NOL8: variants seen among roughly 807,000 people sequenced by gnomAD.
The protein encoded by NOL8 is nucleolar protein 8.
In NOL8, 93 loss-of-function variants were observed where a neutral mutation model predicts 116.1. The observed-to-expected ratio is 0.80, with a 90% CI of 0.68 to 0.95. The LOEUF (loss-of-function observed/expected upper bound fraction) is 0.95, where lower values mean the gene tolerates loss of function less well. Among genes scored for constraint, NOL8 ranks in the 40% least tolerant of loss-of-function variants. The pLI, the probability that NOL8 is intolerant of heterozygous loss-of-function variation, is 0.00. For missense variants in NOL8, 1,291 were observed against 1,382.8 expected (o/e 0.93, Z 1.05); for synonymous variants, 419 against 469.0 (o/e 0.89, Z 1.38).
chr9:92,317,568 T>A (rs1344213890), intron 6 of NOL8, among the ~76,000 whole-genome samples: 1 of 152,206 alleles, frequency 6.6e-6, no homozygotes, highest in African/African-American at 2.4e-5. Flanking sequence ...TTTTTGCTTC[T>A]CTAGTCCCAG....
intron 16 of NOL8, 61 bp from the exon 17 acceptor site, chr9:92,297,947 T>C (rs2134072710): frequency 4.3e-6 from 6 of 1,389,658 alleles, no homozygotes; most frequent in Non-Finnish European, 5.9e-6. Flanking sequence ...GTTCAGTAGA[T>C]AGAAGTAAAA....
Position 92,323,442 on chromosome 9 carries a change from T to G in NOL8, c.201A>C (p.Lys67Asn). The change falls in exon 3 of 17, where the codon AAA (lysine) becomes AAC (asparagine). Residue 67 changes from lysine to asparagine, a missense_variant and splice_region_variant. Lys to Asn is a moderately conservative substitution (Grantham distance 94). Transcript: ENST00000442668. ...ATAGAAAATATATGATGATCTTACA[T>G]TTTTTCAGGTCCGCTTCTGCTACAC... is the stretch of plus-strand genomic sequence containing the variant. ...NISVAEADLKKCMSVLNKTKW... is the reference protein window; with the variant it reads ...NISVAEADLKNCMSVLNKTKW... 2 of 1,602,196 alleles carry G rather than the reference T, an allele frequency of 1.2e-6. No individual in the cohort carries two copies. The highest frequency in any genetic ancestry group is 1.7e-6 in the Non-Finnish European group (2 of 1,173,808).
rs1839148635 is a variant in NOL8, at chr9:92,314,337, G to C, written c.2288C>G (p.Ala763Gly). The C allele has an allele frequency of 1.9e-6, 3 of 1,610,178 alleles. No homozygotes were observed. Among genetic ancestry groups the C allele is most frequent in the Non-Finnish European group, 2.5e-6 (3 of 1,176,910 alleles). ...TGCTTTTTGCCTCGCTTCCAAGGCT[G>C]CCAAACGCTTCTCATTGTCTTCAGC... is the stretch of plus-strand genomic sequence containing the variant. Reference protein sequence around the residue: ...KHAEDNEKRLAALEARQKAKE... With the variant: ...KHAEDNEKRLGALEARQKAKE... Residue 763 changes from alanine to glycine, a missense_variant, in exon 7 of 17, where the codon GCA (alanine) becomes GGA (glycine). Ala to Gly is a moderately conservative substitution (Grantham distance 60). Transcript: ENST00000442668.
At chr9:92,312,417 G>A (rs1404352184) in intron 7 of NOL8, among the ~76,000 whole-genome samples, 3 of 131,048 alleles carry the variant, frequency 2.3e-5, no homozygotes, top group African/African-American at 9.0e-5. Context: ...TCATACCACT[G>A]CACCCCAGGG....
At chr9:92,318,824 AG>A in intron 5 of NOL8, 138 bp from the exon 6 acceptor site, 1 of 590,774 alleles carries the variant, frequency 1.7e-6, no homozygotes, top group Non-Finnish European at 2.8e-6. Flanking sequence ...ATGAAATAAG[AG>A]TTACCAAAGA....
At chr9:92,323,989 G>C (rs1266261318) in intron 2 of NOL8, 34 bp downstream of exon 2, 2 of 1,609,042 alleles carry the variant, frequency 1.2e-6, no homozygotes, top group Middle Eastern at 1.7e-4. Flanking sequence ...AGTTATGTCT[G>C]CCTATAACTG....
At chr9:92,307,410 G>C (rs919205630) in intron 10 of NOL8, among the ~76,000 whole-genome samples, 3 of 152,084 alleles carry the variant, frequency 2.0e-5, no homozygotes, top group Non-Finnish European at 4.4e-5. Context: ...ATCTAAAAAT[G>C]ATAAAGAGTG....
chr9:92,315,483 G>T lies in NOL8; in HGVS notation c.1142C>A (p.Thr381Lys), dbSNP rs767449116. ...RNDREYDSGD[T>K]DEIIAMKKNV... is the part of the protein sequence containing the mutation. ...TTTTTTCATCGCAATAATTTCATCT[G>T]TATCTCCTGAGTCATACTCACGATC... is the stretch of plus-strand genomic sequence containing the variant. The change falls in exon 7 of 17, where the codon ACA becomes AAA. Residue 381 changes from threonine to lysine, a missense_variant. Coordinates refer to ENST00000442668, the MANE Select transcript of NOL8 (RefSeq NM_017948.6). 4 of 1,606,158 alleles carry T rather than the reference G, an allele frequency of 2.5e-6. No individual in the cohort carries two copies. In the South Asian group the frequency reaches 3.3e-5, roughly 13 times the overall value.
chr9:92,318,495 A>C, intron 6 of NOL8, 123 bp downstream of exon 6: 1 of 716,482 alleles, frequency 1.4e-6, no homozygotes, highest in South Asian at 1.7e-5. Flanking sequence ...GTGAGTACCA[A>C]GAAACTGGGA....
chr9:92,316,186 C>T, intron 6 of NOL8, 48 bp from the exon 7 acceptor site: 1 of 1,544,842 alleles, frequency 6.5e-7, no homozygotes. Context: ...TTTAGGAAAA[C>T]TCATCAATCT....
Position 92,300,860 on chromosome 9 carries a change from T to C in NOL8, c.3175+691A>G, listed in dbSNP as rs1272335022. On this transcript the variant is annotated intron_variant, in intron 13 of 16. Coordinates refer to ENST00000442668, the MANE Select transcript of NOL8 (RefSeq NM_017948.6). ...TTTAATCTACCAAACACATGTATGC[T>C]ATTTTAACTGCTGATCTTTAAAGTA... The C allele has an allele frequency of 1.2e-5, 12 of 1,042,926 alleles. No individual in the cohort carries two copies. In the South Asian group the frequency reaches 3.2e-4, roughly 28 times the overall value. 64.6% of individuals were successfully genotyped at this position (1,042,926 alleles called of 1,614,324 possible).
intron 3 of NOL8, chr9:92,323,191 C>T (rs1217082946): frequency 1.3e-5 from 12 of 957,866 alleles, no homozygotes; most frequent in Non-Finnish European, 1.7e-5. Flanking sequence ...AAAGTTTGGT[C>T]CCTTGTCCAA....
intron 13 of NOL8, 112 bp downstream of exon 13, chr9:92,301,439 G>A: frequency 2.5e-6 from 2 of 798,358 alleles, no homozygotes; most frequent in South Asian, 2.0e-5. Context: ...CTTCTAGGTA[G>A]AAGAAAGAGT....
chr9:92,300,771 TTGCACCAC>T (rs1837666314), intron 13 of NOL8: 2 of 1,192,232 alleles, frequency 1.7e-6, no homozygotes, highest in South Asian at 3.1e-5. Flanking sequence ...TGAACCGAGA[TTGCACCAC>T]TGCACTCCAG....
At chr9:92,317,315 T>A (rs181142594) in intron 6 of NOL8, among the ~76,000 whole-genome samples, 41 of 152,320 alleles carry the variant, frequency 2.7e-4, no homozygotes, top group African/African-American at 9.6e-4. Context: ...ATGTGCCAGT[T>A]ATATGTGAGG....
intron 3 of NOL8, 39 bp from the exon 4 acceptor site, chr9:92,321,785 AAAAATATATTTCAG>A: frequency 1.0e-6 from 1 of 990,168 alleles, no homozygotes; most frequent in Non-Finnish European, 1.5e-6. Context: ...ATGGCAATGT[AAAAATATATTTCAG>A]CTTGTGCTTT....
Position 92,316,090 on chromosome 9 carries a change from CT to C in NOL8, c.534del (p.Ile178MetfsTer14), listed in dbSNP as rs1160433602. 1.2e-5 allele frequency: 20 copies of C among 1,613,930 alleles called. No individual in the cohort carries two copies. Among genetic ancestry groups the C allele is most frequent in the Non-Finnish European group, 1.5e-5 (18 of 1,179,846 alleles). ...PSKYCHNLKK[I>X]GEDFSNTIPI... ...GGAATGGTGTTTGAGAAATCCTCCC[CT>C]ATCTTCTTCAGGTTGTGGCAGTATT... is the stretch of plus-strand genomic sequence containing the variant. On this transcript the variant is annotated frameshift_variant, in exon 7 of 17. Coordinates refer to ENST00000442668, the MANE Select transcript of NOL8 (RefSeq NM_017948.6). LOFTEE classifies it high-confidence loss of function.
chr9:92,318,607 C>G lies in NOL8; in HGVS notation c.486+11G>C. The G allele has an allele frequency of 1.9e-6, 3 of 1,580,336 alleles. No homozygotes were observed. Among genetic ancestry groups the G allele is most frequent in the South Asian group, 1.2e-5 (1 of 86,612 alleles). ...TGTGGTAAATAATTATGTTGAGAGG[C>G]CAAAGGATATTTTACGTTTATGTTG... On this transcript the variant is annotated intron_variant, in intron 6 of 16. Coordinates refer to ENST00000442668, the MANE Select transcript of NOL8 (RefSeq NM_017948.6).
At position 92,306,334 on chromosome 9, in the gene NOL8, A is replaced by AT. The variant is rs1443682049; in HGVS notation, c.2826-505dup. 2.0e-5 allele frequency among the ~76,000 whole-genome samples: 3 copies of AT among 152,152 alleles called. No individual in the cohort carries two copies. In the East Asian group the frequency reaches 5.8e-4, roughly 29 times the overall value. ...ACTACCTACTTTTGAGATTTCCTGG[A>AT]TTTTTTTAGCTTTTAAAATGATTTT... On this transcript the variant is annotated intron_variant, in intron 11 of 16. Coordinates refer to ENST00000442668, the MANE Select transcript of NOL8 (RefSeq NM_017948.6).
Sources: allele counts gnomAD v4.1 joint callset (sites outside exome capture counted in the v4.1 genomes callset), GRCh38; gene constraint gnomAD v4.1.1; transcripts MANE v1.5; gene names NCBI Gene and HGNC (gene_info 2026-07-23, HGNC 2026-07-21).